GRM7: variants seen among roughly 807,000 people sequenced by gnomAD.
GRM7 encodes the protein metabotropic glutamate receptor 7.
In GRM7, 35 loss-of-function variants were observed where a neutral mutation model predicts 84.5. That is an observed-to-expected ratio of 0.41 (90% CI 0.32 to 0.55). The LOEUF (loss-of-function observed/expected upper bound fraction) is 0.55. Ranked by LOEUF, GRM7 falls within the 20% of genes least tolerant of loss-of-function variation. The pLI is 0.19. For synonymous variants in GRM7, 487 were observed against 455.1 expected (o/e 1.07, Z -0.89); for missense variants, 1,003 against 1,194.6 (o/e 0.84, Z 2.36).
rs144701443 is a variant in GRM7 at position 7,656,336 on chromosome 3, G to C, written c.2452-23713G>C. ...AAACCCTGTCTCTACCAAAAATATA[G>C]CTATTAAATATTAGCCGGGCATGGT... On this transcript the variant is annotated intron_variant, in intron 8 of 9. Transcript: ENST00000357716. Among the ~76,000 whole-genome samples, 576 of 151,886 alleles carry C rather than the reference G, an allele frequency of 3.8e-3. 3 individuals are homozygous for C. Among genetic ancestry groups the C allele is most frequent in the African/African-American group, 0.014 (560 of 41,442 alleles).
rs150635406 is a variant in GRM7 at position 7,271,475 on chromosome 3, C to T, written c.737-27209C>T. 6.4e-3 allele frequency among the ~76,000 whole-genome samples: 946 copies of T among 147,598 alleles called. 11 individuals carry two copies. The highest frequency in any genetic ancestry group is 0.022 in the African/African-American group (901 of 40,130). On this transcript the variant is annotated intron_variant, in intron 2 of 9. Transcript: ENST00000357716. ...TCGGGAGGCTGAGGCAGGAGAATGG[C>T]GTGAACCCGGGAGGCGGAGCTTGCA...
chr3:7,321,185 A>C (rs1461341639), intron 4 of GRM7, among the ~76,000 whole-genome samples: 1 of 152,052 alleles, frequency 6.6e-6, no homozygotes, highest in Non-Finnish European at 1.5e-5. Flanking sequence ...TATATAATGC[A>C]GCCAGTGTTA....
At chr3:7,472,784 T>A (rs1698755251) in intron 7 of GRM7, among the ~76,000 whole-genome samples, 1 of 152,192 alleles carries the variant, frequency 6.6e-6, no homozygotes, top group Non-Finnish European at 1.5e-5. Flanking sequence ...ACTTCTTCCA[T>A]TTAAAGTGGA....
At chr3:7,509,561 A>G (rs1210809466) in intron 7 of GRM7, among the ~76,000 whole-genome samples, 1 of 152,180 alleles carries the variant, frequency 6.6e-6, no homozygotes, top group Non-Finnish European at 1.5e-5. Flanking sequence ...ACTAAGTAAG[A>G]TCCAATCTGA....
chr3:6,874,210 C>A (rs533656604), intron 1 of GRM7, among the ~76,000 whole-genome samples: 1 of 152,296 alleles, frequency 6.6e-6, no homozygotes, highest in South Asian at 2.1e-4. Flanking sequence ...AGCAAGTGCT[C>A]AATAAAGGTT....
chr3:7,257,313 A>C (rs1032886300), intron 2 of GRM7, among the ~76,000 whole-genome samples: 4 of 152,186 alleles, frequency 2.6e-5, no homozygotes, highest in African/African-American at 9.7e-5. Flanking sequence ...CCACCCAGAA[A>C]GTTATTCTTG....
chr3:7,331,462 C>T (rs1701205608), intron 4 of GRM7, among the ~76,000 whole-genome samples: 1 of 152,148 alleles, frequency 6.6e-6, no homozygotes, highest in African/African-American at 2.4e-5. Flanking sequence ...GCAGAGACTC[C>T]AAGTGGACAT....
chr3:7,338,138 ACACACC>A (rs1392586773), intron 4 of GRM7, among the ~76,000 whole-genome samples: 2 of 148,216 alleles, frequency 1.3e-5, no homozygotes, highest in Non-Finnish European at 3.0e-5. Flanking sequence ...ACACACACAC[ACACACC>A]CCATGGAATA....
At chr3:7,153,505 G>A (rs1694353267) in intron 2 of GRM7, among the ~76,000 whole-genome samples, 1 of 152,140 alleles carries the variant, frequency 6.6e-6, no homozygotes, top group African/African-American at 2.4e-5. Flanking sequence ...GCCCAACACA[G>A]ACTAGGTTTA....
chr3:7,606,815 T>G (rs1390898151), intron 8 of GRM7: 1 of 152,164 alleles, frequency 6.6e-6, no homozygotes, highest in Non-Finnish European at 1.5e-5. Context: ...ATTACAGGTG[T>G]GAGCCTCCTG....
intron 1 of GRM7, among the ~76,000 whole-genome samples, chr3:7,078,830 A>G (rs1365367920): frequency 2.0e-5 from 3 of 148,736 alleles, no homozygotes; most frequent in African/African-American, 5.0e-5. Context: ...GCATTTTCTG[A>G]GTCCTTTTGG....
chr3:7,286,328 A>G (rs1401943551), intron 2 of GRM7, among the ~76,000 whole-genome samples: 1 of 152,170 alleles, frequency 6.6e-6, no homozygotes, highest in Non-Finnish European at 1.5e-5. Flanking sequence ...CCTGAGCTTC[A>G]TGTAATTTCT....
At chr3:7,097,973 A>G (rs1017760043) in intron 1 of GRM7, among the ~76,000 whole-genome samples, 2 of 152,114 alleles carry the variant, frequency 1.3e-5, no homozygotes, top group African/African-American at 4.8e-5. Flanking sequence ...ATTCTCAGCT[A>G]TTATATCCTG....
chr3:7,604,996 C>T (rs1259766810), intron 8 of GRM7, among the ~76,000 whole-genome samples: 1 of 152,118 alleles, frequency 6.6e-6, no homozygotes, highest in African/African-American at 2.4e-5. Flanking sequence ...ACAAATAATG[C>T]AATAAAATCT....
chr3:7,545,654 G>A (rs1036254851), intron 7 of GRM7, among the ~76,000 whole-genome samples: 4 of 152,104 alleles, frequency 2.6e-5, no homozygotes, highest in African/African-American at 9.7e-5. Flanking sequence ...CTAGCAAATT[G>A]AATATATGGA....
intron 8 of GRM7, among the ~76,000 whole-genome samples, chr3:7,585,139 T>C (rs1203555336): frequency 6.6e-6 from 1 of 152,248 alleles, no homozygotes; most frequent in African/African-American, 2.4e-5. Context: ...TGATGCCATT[T>C]GTGCACTCAT....
At chr3:6,910,968 C>T (rs1030590561) in intron 1 of GRM7, among the ~76,000 whole-genome samples, 1 of 152,088 alleles carries the variant, frequency 6.6e-6, no homozygotes, top group African/African-American at 2.4e-5. Flanking sequence ...TTGTATCTAC[C>T]AAGCACTGTA....
In GRM7 at chr3:7,176,373, T is replaced by C. The variant is rs1574994408; in HGVS notation, c.736+29705T>C. Among the ~76,000 whole-genome samples, 4 of 151,462 alleles carry C rather than the reference T, an allele frequency of 2.6e-5. No individual in the cohort carries two copies. The South Asian group carries it at 6.3e-4, about 24-fold the overall frequency. ...GTGCTGCAGTGACCTGTGGTGATAG[T>C]GCCACTTCACTCCAGTCTGGGTGAC... On this transcript the variant is annotated intron_variant, in intron 2 of 9. Transcript: ENST00000357716.
chr3:6,864,705 G>C (rs1175570407), intron 1 of GRM7, among the ~76,000 whole-genome samples: 1 of 152,182 alleles, frequency 6.6e-6, no homozygotes, highest in African/African-American at 2.4e-5. Context: ...AGATAAGACT[G>C]TAGGCTAGAA....
Sources: allele counts gnomAD v4.1 joint callset (sites outside exome capture counted in the v4.1 genomes callset), GRCh38; gene constraint gnomAD v4.1.1; transcripts MANE v1.5; gene names NCBI Gene and HGNC (gene_info 2026-07-23, HGNC 2026-07-21).